Variants in HS6ST3 observed in about 807,000 individuals in gnomAD.
HS6ST3 encodes heparan-sulfate 6-O-sulfotransferase 3.
HS6ST3 carries 12 observed loss-of-function variants against 36.7 expected under a neutral mutation model. That is an observed-to-expected ratio of 0.33 (90% confidence interval 0.21 to 0.53). The LOEUF is 0.53. Among genes scored for constraint, HS6ST3 ranks in the 20% least tolerant of loss-of-function variants. HS6ST3 has a pLI of 0.95. For synonymous variants in HS6ST3, 240 were observed against 257.5 expected, an observed-to-expected ratio of 0.93 and a Z score of 0.65; for missense variants, 584 against 640.9, an observed-to-expected ratio of 0.91 and a Z score of 0.96.
chr13:96,718,453 T>C (rs1027825198), intron 1 of HS6ST3, among the ~76,000 whole-genome samples: 3 of 152,192 alleles, frequency 2.0e-5, no homozygotes, highest in Non-Finnish European at 4.4e-5. Flanking sequence ...TGAATCAAGA[T>C]ATTTTTTCTA....
At position 96,485,911 on chromosome 13, in the gene HS6ST3, C is replaced by T. The variant is rs553273070; in HGVS notation, c.708-346579C>T. Among the ~76,000 whole-genome samples the T allele has an allele frequency of 2.0e-4, 31 of 152,016 alleles. No individual in the cohort carries two copies. The South Asian group carries it at 4.2e-3, about 20-fold the overall frequency. On this transcript the variant is annotated intron_variant, in intron 1 of 1. Transcript: ENST00000376705. ...TAAGTTTTAGGGTACATGTGCACAA[C>T]GTGCAGGTTAGTTACATATGTATAC...
chr13:96,232,403 A>AGCC (rs2054513121), intron 1 of HS6ST3, among the ~76,000 whole-genome samples: 1 of 152,178 alleles, frequency 6.6e-6, no homozygotes, highest in Admixed American at 6.5e-5. Context: ...CCTCTGAGAA[A>AGCC]TGTCCTACAA....
intron 1 of HS6ST3, among the ~76,000 whole-genome samples, chr13:96,120,780 G>A (rs771694355): frequency 8.5e-5 from 13 of 152,122 alleles, no homozygotes; most frequent in South Asian, 2.1e-4. Context: ...TGGCAGAACC[G>A]TTATCCGCTC....
At chr13:96,217,257 A>G (rs939082107) in intron 1 of HS6ST3, among the ~76,000 whole-genome samples, 2 of 152,096 alleles carry the variant, frequency 1.3e-5, no homozygotes, top group Admixed American at 6.6e-5. Flanking sequence ...CTCATATCCA[A>G]TCCAATTTAA....
intron 1 of HS6ST3, among the ~76,000 whole-genome samples, chr13:96,161,036 A>G (rs1481347946): frequency 6.6e-6 from 1 of 152,208 alleles, no homozygotes; most frequent in Non-Finnish European, 1.5e-5. Context: ...AATTAATTTT[A>G]TAAATACATA....
At chr13:96,649,671 C>T (rs1312197470) in intron 1 of HS6ST3, among the ~76,000 whole-genome samples, 2 of 152,062 alleles carry the variant, frequency 1.3e-5, no homozygotes, top group Non-Finnish European at 2.9e-5. Flanking sequence ...CTATCATCAT[C>T]TCCCACTTGG....
chr13:96,112,627 G>A (rs141568780), intron 1 of HS6ST3, among the ~76,000 whole-genome samples: 1,318 of 59,986 alleles, frequency 0.022, 16 homozygotes, highest in East Asian at 0.088. Flanking sequence ...ATATATGCCC[G>A]GCTGGTGGTG....
chr13:96,309,447 G>A (rs1267777495), intron 1 of HS6ST3, among the ~76,000 whole-genome samples: 2 of 152,082 alleles, frequency 1.3e-5, no homozygotes, highest in East Asian at 3.8e-4. Context: ...TTGAATTCCT[G>A]TCCCAAGTAG....
chr13:96,387,229 A>G (rs1025240092), intron 1 of HS6ST3, among the ~76,000 whole-genome samples: 12 of 152,178 alleles, frequency 7.9e-5, no homozygotes, highest in African/African-American at 2.4e-4. Context: ...TATCATCCTT[A>G]TTATGTTTGT....
intron 1 of HS6ST3, among the ~76,000 whole-genome samples, chr13:96,443,387 G>A (rs966031651): frequency 4.0e-5 from 6 of 151,718 alleles, no homozygotes; most frequent in African/African-American, 1.5e-4. Context: ...AAAATTAGCC[G>A]GGCATGGTGG....
At chr13:96,341,606 T>A (rs2055130590) in intron 1 of HS6ST3, among the ~76,000 whole-genome samples, 1 of 152,162 alleles carries the variant, frequency 6.6e-6, no homozygotes, top group African/African-American at 2.4e-5. Context: ...AGGGTGAATA[T>A]GACATGTGAC....
At chr13:96,344,027 C>T (rs1326248066) in intron 1 of HS6ST3, among the ~76,000 whole-genome samples, 2 of 152,210 alleles carry the variant, frequency 1.3e-5, no homozygotes, top group African/African-American at 4.8e-5. Context: ...CAGGCATGAA[C>T]CACTGCACTG....
intron 1 of HS6ST3, among the ~76,000 whole-genome samples, chr13:96,790,392 G>C (rs182962005): frequency 6.6e-6 from 1 of 151,560 alleles, no homozygotes; most frequent in South Asian, 2.1e-4. Context: ...TCACTCAATG[G>C]GGATAACACG....
At chr13:96,254,567 C>T (rs2054628017) in intron 1 of HS6ST3, among the ~76,000 whole-genome samples, 2 of 140,442 alleles carry the variant, frequency 1.4e-5, no homozygotes, top group South Asian at 4.6e-4. Context: ...CTTATCAGTG[C>T]CTGGTGATCC....
intron 1 of HS6ST3, among the ~76,000 whole-genome samples, chr13:96,475,612 C>CAAAAAAAAA (rs1251970502): frequency 2.1e-4 from 19 of 91,346 alleles, no homozygotes; most frequent in East Asian, 2.8e-4. Flanking sequence ...GGAGTACTAC[C>CAAAAAAAAA]AAAAAAAAAA....
intron 1 of HS6ST3, among the ~76,000 whole-genome samples, chr13:96,391,877 A>G (rs1329456736): frequency 6.6e-6 from 1 of 152,174 alleles, no homozygotes; most frequent in Non-Finnish European, 1.5e-5. Flanking sequence ...ATCATTTTTA[A>G]AATGGTTGTG....
At chr13:96,353,158 A>C (rs2055192481) in intron 1 of HS6ST3, among the ~76,000 whole-genome samples, 1 of 141,030 alleles carries the variant, frequency 7.1e-6, no homozygotes. Context: ...GGTTCACGTG[A>C]TTCTCCTGCC....
At chr13:96,275,729 G>A (rs1044870533) in intron 1 of HS6ST3, among the ~76,000 whole-genome samples, 2 of 152,094 alleles carry the variant, frequency 1.3e-5, no homozygotes, top group Non-Finnish European at 2.9e-5. Flanking sequence ...TCCTCAAGTT[G>A]TGTTCCTTTG....
At chr13:96,466,418 C>CAA (rs2055813970) in intron 1 of HS6ST3, among the ~76,000 whole-genome samples, 1 of 152,190 alleles carries the variant, frequency 6.6e-6, no homozygotes, top group Non-Finnish European at 1.5e-5. Context: ...TATCTTTTGA[C>CAA]AAACGTCTCT....
Sources: allele counts gnomAD v4.1 joint callset (sites outside exome capture counted in the v4.1 genomes callset), GRCh38; gene constraint gnomAD v4.1.1; transcripts MANE v1.5; gene names NCBI Gene and HGNC (gene_info 2026-07-23, HGNC 2026-07-21).